Variants in CDH22 observed in about 807,000 individuals in gnomAD.
CDH22 encodes the protein cadherin 22.
CDH22 carries 30 observed loss-of-function variants against 58.4 expected under a neutral mutation model. The observed-to-expected ratio is 0.51, with a 90% CI of 0.38 to 0.70. The LOEUF is 0.70. CDH22 is among the 30% of genes least tolerant of loss of function. CDH22 has a pLI of 0.00. For missense variants in CDH22, 1,014 were observed against 1,233.9 expected (o/e 0.82, Z 2.67); for synonymous variants, 513 against 558.2 (o/e 0.92, Z 1.14).
chr20:46,230,011 G>A (rs1214585614), intron 3 of CDH22, among the ~76,000 whole-genome samples: 2 of 152,094 alleles, frequency 1.3e-5, no homozygotes, highest in Non-Finnish European at 2.9e-5. Flanking sequence ...TATAGTTAAT[G>A]CCGACATGTG....
intron 3 of CDH22, among the ~76,000 whole-genome samples, chr20:46,237,322 G>A (rs1246533453): frequency 6.6e-6 from 1 of 152,112 alleles, no homozygotes; most frequent in African/African-American, 2.4e-5. Flanking sequence ...GAGGCCCCCC[G>A]GCACACTTCC....
chr20:46,212,760 T>C (rs1409353025), intron 6 of CDH22, among the ~76,000 whole-genome samples: 1 of 152,182 alleles, frequency 6.6e-6, no homozygotes, highest in Non-Finnish European at 1.5e-5. Context: ...CCATCTGGAT[T>C]GAACCCTGGC....
chr20:46,197,287 T>A (rs1024752814), intron 8 of CDH22, among the ~76,000 whole-genome samples: 5 of 147,050 alleles, frequency 3.4e-5, no homozygotes, highest in African/African-American at 1.3e-4. Context: ...GGAAAGCATC[T>A]AGGCCAGGAT....
Position 46,213,086 on chromosome 20 carries a change from T to C in CDH22, c.941A>G (p.Tyr314Cys). 6.2e-7 allele frequency: 1 copy of C among 1,614,170 alleles called. No homozygotes were observed. Among genetic ancestry groups the C allele is most frequent in the Non-Finnish European group, 8.5e-7 (1 of 1,180,018 alleles). ...GCTGCTGCTCTCGTCCTTAAGGTGG[T>C]AAGTCATGTCTGTGTTCTCTCCCAC... ...SDVGENTDMT[Y>C]HLKDESSSGG... is the part of the protein sequence containing the mutation. The change falls in exon 6 of 12, where the codon TAC becomes TGC. Residue 314 changes from tyrosine (Y) to cysteine (C), a missense_variant. By Grantham distance (194) the Tyr-to-Cys change is radical (BLOSUM62 -2). Around this residue, in one of 2 missense-constraint regions of CDH22, gnomAD observed 806 missense variants for 1,038.7 expected, o/e 0.78. Transcript: ENST00000537909.
intron 3 of CDH22, among the ~76,000 whole-genome samples, chr20:46,239,600 C>T (rs904517448): frequency 4.6e-5 from 7 of 152,250 alleles, no homozygotes; most frequent in African/African-American, 1.2e-4. Context: ...GCCTCTGACA[C>T]GCAGCCATAG....
chr20:46,204,769 G>A (rs1229270416), intron 7 of CDH22, among the ~76,000 whole-genome samples: 1 of 152,192 alleles, frequency 6.6e-6, no homozygotes, highest in Admixed American at 6.5e-5. Flanking sequence ...GTTAGCAACA[G>A]CACAAAATGC....
intron 1 of CDH22, among the ~76,000 whole-genome samples, chr20:46,287,791 A>T (rs983087448): frequency 3.9e-5 from 6 of 152,140 alleles, no homozygotes; most frequent in African/African-American, 1.4e-4. Flanking sequence ...GTGGGTGTGA[A>T]GCAGACTGGC....
chr20:46,274,621 A>T (rs1467480299), intron 1 of CDH22, among the ~76,000 whole-genome samples: 3 of 152,222 alleles, frequency 2.0e-5, no homozygotes, highest in Non-Finnish European at 4.4e-5. Context: ...ATAAAAGCTC[A>T]TACGAAAATG....
Position 46,213,146 on chromosome 20 carries a change from G to A in CDH22, c.881C>T (p.Thr294Met), listed in dbSNP as rs748316074. 4.3e-6 allele frequency: 7 copies of A among 1,614,022 alleles called. No homozygotes were observed. Among genetic ancestry groups the A allele is most frequent in the Non-Finnish European group, 4.2e-6 (5 of 1,180,020 alleles). The change falls in exon 6 of 12, where the codon ACG (threonine) becomes ATG (methionine). Residue 294 changes from threonine (T) to methionine (M), a missense_variant. Thr to Met is a moderately conservative substitution (Grantham distance 81). Transcript: ENST00000537909. ...CTCAGCCTTCACACGTCCCACAGCC[G>A]TTCCAATGGGGGCTGACTCCTGGAT... The part of the protein sequence containing the change: ...FSIQESAPIG[T>M]AVGRVKAEDS...
intron 8 of CDH22, among the ~76,000 whole-genome samples, chr20:46,188,669 T>G (rs2085843271): frequency 6.6e-6 from 1 of 152,162 alleles, no homozygotes; most frequent in Non-Finnish European, 1.5e-5. Context: ...TAACATTAAA[T>G]AATTCTAGGA....
At chr20:46,218,769 A>G (rs916330127) in intron 4 of CDH22, among the ~76,000 whole-genome samples, 4 of 152,130 alleles carry the variant, frequency 2.6e-5, no homozygotes, top group Admixed American at 2.0e-4. Flanking sequence ...TGACCGCAAG[A>G]TTAATTCTGC....
At chr20:46,287,395 G>A (rs1304751157) in intron 1 of CDH22, among the ~76,000 whole-genome samples, 1 of 152,114 alleles carries the variant, frequency 6.6e-6, no homozygotes, top group Non-Finnish European at 1.5e-5. Context: ...AAGGTACAAG[G>A]AGAGCATCTG....
At chr20:46,185,574 G>C (rs1252732401) in intron 10 of CDH22, among the ~76,000 whole-genome samples, 1 of 151,994 alleles carries the variant, frequency 6.6e-6, no homozygotes, top group African/African-American at 2.4e-5. Context: ...GTTGCAGAAA[G>C]AAATGTGAGT....
intron 10 of CDH22, among the ~76,000 whole-genome samples, chr20:46,179,307 C>G (rs1374861187): frequency 6.6e-6 from 1 of 152,222 alleles, no homozygotes; most frequent in Non-Finnish European, 1.5e-5. Context: ...TCTGCTGTTT[C>G]TAATCTGAGA....
intron 3 of CDH22, among the ~76,000 whole-genome samples, chr20:46,231,551 G>T (rs991155115): frequency 6.6e-6 from 1 of 152,164 alleles, no homozygotes; most frequent in Non-Finnish European, 1.5e-5. Flanking sequence ...GACTTCCCCA[G>T]GGACACATCA....
At chr20:46,268,670 C>T (rs1568679185) in intron 1 of CDH22, among the ~76,000 whole-genome samples, 1 of 152,204 alleles carries the variant, frequency 6.6e-6, no homozygotes, top group Non-Finnish European at 1.5e-5. Flanking sequence ...GCCGCTTTCT[C>T]CTAGGATGGG....
chr20:46,274,462 T>G (rs1441433877), intron 1 of CDH22, among the ~76,000 whole-genome samples: 1 of 152,232 alleles, frequency 6.6e-6, no homozygotes, highest in African/African-American at 2.4e-5. Flanking sequence ...TTAGCTTCCA[T>G]CCTTGTTCCA....
Position 46,251,171 on chromosome 20 carries a change from G to T in CDH22, c.124C>A (p.Pro42Thr), listed in dbSNP as rs747687778. The T allele has an allele frequency of 2.7e-5, 43 of 1,572,072 alleles. No individual in the cohort carries two copies. Among genetic ancestry groups the T allele is most frequent in the Non-Finnish European group, 3.6e-5 (42 of 1,160,828 alleles). Residue 42 changes from proline to threonine, a missense_variant, in exon 2 of 12, where the codon CCC (proline) becomes ACC (threonine). Physicochemically the swap from Pro to Thr is conservative, Grantham distance 38. Around this residue, in one of 2 missense-constraint regions of CDH22, gnomAD observed 806 missense variants for 1,038.7 expected, o/e 0.78. Coordinates refer to ENST00000537909, the MANE Select transcript of CDH22 (RefSeq NM_021248.3). The surrounding 1 kb of genome is among the most constrained non-coding windows in gnomAD (Gnocchi z 6.7). ...LLGRLWAAGTPSPSAPGARQD... is the reference protein window; with the variant it reads ...LLGRLWAAGTTSPSAPGARQD... ...CGAGCTCCGGGCGCCGACGGCGAGG[G>T]TGTGCCCGCTGCCCACAGGCGCCCC...
chr20:46,268,746 C>T (rs965631780), intron 1 of CDH22, among the ~76,000 whole-genome samples: 1 of 152,190 alleles, frequency 6.6e-6, no homozygotes, highest in Non-Finnish European at 1.5e-5. Context: ...TCATAGTAAC[C>T]CCAGCAATCA....
Sources: gnomAD v4.1 joint callset for allele counts (sites outside exome capture counted in the v4.1 genomes callset) on GRCh38, gnomAD v4.1.1 for gene constraint, gnomAD v4.1.1 regional missense constraint, Gnocchi (gnomAD v3.1) non-coding constraint, MANE v1.5 for transcripts, NCBI Gene and HGNC (gene_info 2026-07-23, HGNC 2026-07-21) for gene names.